The following NVL variants were observed in gnomAD, a reference collection of about 807,000 sequenced individuals.
The protein encoded by NVL is nuclear valosin-containing protein-like.
Under a neutral mutation model 110.2 loss-of-function variants are expected in NVL, and 84 were observed. The ratio of observed to expected loss-of-function variants is 0.76; its 90% CI spans 0.64 to 0.91. The LOEUF is 0.91. Among genes scored for constraint, NVL ranks in the 40% least tolerant of loss-of-function variants. The pLI, the probability that NVL is intolerant of heterozygous loss-of-function variation, is 0.00. For missense variants in NVL, 882 were observed against 1,035.9 expected, an observed-to-expected ratio of 0.85 and a Z score of 2.04; for synonymous variants, 354 against 361.1, an observed-to-expected ratio of 0.98 and a Z score of 0.22.
intron 16 of NVL, among the ~76,000 whole-genome samples, chr1:224,278,270 C>T (rs1450736540): frequency 7.8e-6 from 1 of 128,944 alleles, no homozygotes; most frequent in Non-Finnish European, 1.5e-5. Flanking sequence ...CTCACTGTGT[C>T]GCCCAGGCTG....
At chr1:224,297,666 G>C (rs1021819823) in intron 10 of NVL, 10 of 185,776 alleles carry the variant, frequency 5.4e-5, no homozygotes, top group African/African-American at 2.4e-4. Flanking sequence ...CAAAGAGAAA[G>C]AGGAGAGGCA....
intron 19 of NVL, among the ~76,000 whole-genome samples, chr1:224,239,883 T>C (rs763835663): frequency 1.1e-4 from 17 of 152,108 alleles, no homozygotes; most frequent in Non-Finnish European, 1.9e-4. Context: ...CATCTTAGTG[T>C]TCTCTTTGTG....
At chr1:224,302,440 A>G (rs981483145) in intron 9 of NVL, among the ~76,000 whole-genome samples, 4 of 152,116 alleles carry the variant, frequency 2.6e-5, no homozygotes, top group African/African-American at 7.2e-5. Context: ...ACCTCAGGTG[A>G]TCCACATGCC....
intron 2 of NVL, among the ~76,000 whole-genome samples, chr1:224,322,466 T>A (rs1670745757): frequency 6.6e-6 from 1 of 152,136 alleles, no homozygotes; most frequent in Admixed American, 6.5e-5. Flanking sequence ...ATACTATTGT[T>A]TTAAAAAGCT....
chr1:224,229,948 C>T (rs1659685917), intron 22 of NVL, among the ~76,000 whole-genome samples: 1 of 151,880 alleles, frequency 6.6e-6, no homozygotes, highest in African/African-American at 2.4e-5. Context: ...CCTTCTGCCT[C>T]GGTCTCCTAA....
intron 9 of NVL, chr1:224,302,818 G>T (rs1668549951): frequency 1.0e-5 from 2 of 191,580 alleles, no homozygotes; most frequent in South Asian, 6.2e-5. Flanking sequence ...GGAAGACTGA[G>T]ACAGGAGGAC....
intron 16 of NVL, among the ~76,000 whole-genome samples, chr1:224,276,911 TTGACACATAAAACTAGTTTTA>T (rs67501917): frequency 0.33 from 38,766 of 118,664 alleles, 7,070 homozygotes; most frequent in East Asian, 0.42. Context: ...TTTCTGGACT[TTGACACATAAAACTAGTTTTA>T]TGACACATAA....
chr1:224,300,375 A>C (rs1419364731), intron 10 of NVL, among the ~76,000 whole-genome samples, 187 bp downstream of exon 10: 1 of 152,248 alleles, frequency 6.6e-6, no homozygotes, highest in Admixed American at 6.5e-5. Flanking sequence ...AGGGTTATTT[A>C]TCCAACAGCT....
intron 2 of NVL, among the ~76,000 whole-genome samples, chr1:224,325,340 G>T (rs1015707939): frequency 1.3e-5 from 2 of 151,586 alleles, no homozygotes. Flanking sequence ...GGGAGGCGAA[G>T]GTGGAAGGAT....
intron 6 of NVL, among the ~76,000 whole-genome samples, chr1:224,307,085 A>G (rs1242848987): frequency 4.6e-5 from 7 of 152,212 alleles, no homozygotes; most frequent in South Asian, 4.1e-4. Flanking sequence ...AACCCAGTAT[A>G]TCCAAAATAT....
chr1:224,265,752 T>C (rs947603040), intron 18 of NVL, among the ~76,000 whole-genome samples: 4 of 152,064 alleles, frequency 2.6e-5, no homozygotes, highest in African/African-American at 9.7e-5. Context: ...GTGGGTAAGT[T>C]ATTACAGGAG....
At chr1:224,311,726 G>A (rs1236083962) in intron 5 of NVL, 74 bp downstream of exon 5, 6 of 1,128,174 alleles carry the variant, frequency 5.3e-6, no homozygotes, top group Non-Finnish European at 8.1e-6. Context: ...AGCTAATACT[G>A]AGTTTTTCAA....
chr1:224,274,568 C>T (rs1001218401), intron 17 of NVL, among the ~76,000 whole-genome samples: 10 of 151,500 alleles, frequency 6.6e-5, no homozygotes, highest in African/African-American at 1.7e-4. Flanking sequence ...ACCCAGGAGG[C>T]GGAAGTTGCA....
intron 6 of NVL, among the ~76,000 whole-genome samples, chr1:224,306,701 G>A (rs1181831158): frequency 6.6e-6 from 1 of 152,080 alleles, no homozygotes; most frequent in African/African-American, 2.4e-5. Flanking sequence ...GTGTGGTGGT[G>A]GGCACCTGTA....
chr1:224,233,892 TAA>T (rs898340146), intron 20 of NVL, among the ~76,000 whole-genome samples: 13 of 151,950 alleles, frequency 8.6e-5, no homozygotes, highest in African/African-American at 3.1e-4. Flanking sequence ...GTAAGCTTAT[TAA>T]AAAGTCATTT....
At chr1:224,300,768 C>G in intron 9 of NVL, 105 bp from the exon 10 acceptor site, 1 of 750,940 alleles carries the variant, frequency 1.3e-6, no homozygotes. Context: ...TCCTGAGGAA[C>G]TTCATCTTTT....
At chr1:224,285,770 T>C (rs921275433) in intron 15 of NVL, among the ~76,000 whole-genome samples, 1 of 152,104 alleles carries the variant, frequency 6.6e-6, no homozygotes, top group Non-Finnish European at 1.5e-5. Flanking sequence ...AAAGCTAAAA[T>C]GTAATACACA....
chr1:224,288,459 C>T (rs1667074644), intron 13 of NVL, among the ~76,000 whole-genome samples: 1 of 151,942 alleles, frequency 6.6e-6, no homozygotes, highest in Admixed American at 6.6e-5. Flanking sequence ...AAATCTTAAA[C>T]TTAAAAGGCA....
At chr1:224,278,146 G>T (rs1029758150) in intron 16 of NVL, among the ~76,000 whole-genome samples, 1 of 151,752 alleles carries the variant, frequency 6.6e-6, no homozygotes, top group East Asian at 1.9e-4. Flanking sequence ...ATCTCCAGAT[G>T]GCTGTTTAAT....
Sources: allele counts gnomAD v4.1 joint callset (sites outside exome capture counted in the v4.1 genomes callset), GRCh38; gene constraint gnomAD v4.1.1; transcripts MANE v1.5; gene names NCBI Gene and HGNC (gene_info 2026-07-23, HGNC 2026-07-21).